PNPLA6: variants seen among roughly 807,000 people sequenced by gnomAD.
PNPLA6 encodes patatin-like phospholipase domain-containing protein 6.
In PNPLA6, 105 loss-of-function variants were observed where a neutral mutation model predicts 153.7. The ratio of observed to expected loss-of-function variants is 0.68; its 90% confidence interval spans 0.58 to 0.80. The LOEUF is 0.80. PNPLA6 is among the 30% of genes least tolerant of loss of function. The pLI, the probability that PNPLA6 is intolerant of heterozygous loss-of-function variation, is 0.00. For missense variants in PNPLA6, 1,423 were observed against 1,919.3 expected (o/e 0.74, Z 4.83); for synonymous variants, 825 against 822.2 (o/e 1.00, Z -0.06).
At chr19:7,534,206 T>A (rs2022735287), upstream of PNPLA6, 1 of 341,030 alleles carries the variant, frequency 2.9e-6, no homozygotes, top group South Asian at 2.6e-5. Context: ...GCTAGCGGTG[T>A]TGGCGCGGAG....
At chr19:7,546,702 C>T (rs762115341) in intron 13 of PNPLA6, among the ~76,000 whole-genome samples, 1 of 152,246 alleles carries the variant, frequency 6.6e-6, no homozygotes. Flanking sequence ...AGCCACTGCA[C>T]CCGGCCTTAT....
chr19:7,539,910 C>T lies in PNPLA6; in HGVS notation c.414-8C>T. On this transcript the variant is annotated splice_polypyrimidine_tract_variant and splice_region_variant and intron_variant, in intron 3 of 31. Coordinates refer to ENST00000600737, the MANE Select transcript of PNPLA6 (RefSeq NM_001166114.2). ...CCCTCACCCCCGGCACCCCTCCCCT[C>T]CCACCAGGATCCTGCGCATCCAGAA... The T allele has an allele frequency of 6.5e-7, 1 of 1,535,618 alleles. No homozygotes were observed. Among genetic ancestry groups the T allele is most frequent in the Non-Finnish European group, 8.8e-7 (1 of 1,141,620 alleles).
chr19:7,556,632 C>T (rs756710551), intron 25 of PNPLA6, 23 bp from the exon 26 acceptor site: 2 of 1,605,174 alleles, frequency 1.2e-6, no homozygotes, highest in Non-Finnish European at 8.5e-7. Context: ...GCTCCTCCCC[C>T]ACCTCGATCC....
Position 7,541,021 on chromosome 19 carries a change from G to A in PNPLA6, c.894G>A (p.Lys298=). The part of the protein sequence containing the change: ...PVEAFSAVFT[K]YPESLVRVVQ... Reference sequence around the variant, plus strand: ...AAGCATTCTCCGCGGTCTTCACCAAGTACCCGGAGAGCTTGGTGCGGGTCG... The same window carrying A: ...AAGCATTCTCCGCGGTCTTCACCAAATACCCGGAGAGCTTGGTGCGGGTCG... Residue 298 remains lysine (K), a synonymous_variant, in exon 7 of 32, where the codon AAG becomes AAA. Transcript: ENST00000600737. The surrounding 1 kb of genome is among the most constrained non-coding windows in gnomAD (Gnocchi z 5.2). 6.2e-7 allele frequency: 1 copy of A among 1,610,886 alleles called. No homozygotes were observed. The highest frequency in any genetic ancestry group is 8.5e-7 in the Non-Finnish European group (1 of 1,179,212).
chr19:7,544,199 C>T (rs1175384627), intron 13 of PNPLA6, among the ~76,000 whole-genome samples: 3 of 151,840 alleles, frequency 2.0e-5, no homozygotes, highest in Non-Finnish European at 4.4e-5. Flanking sequence ...GCAACCTCCG[C>T]CTCCTGGGTT....
At chr19:7,535,508 G>T (rs1340354199), upstream of PNPLA6, 3 of 1,579,078 alleles carry the variant, frequency 1.9e-6, no homozygotes, top group Non-Finnish European at 2.6e-6. This position sits in a 1 kb window ranked among gnomAD's most constrained non-coding sequence, Gnocchi z 5.0. Flanking sequence ...TGATTTCCCA[G>T]GACTCCGGGC....
intron 29 of PNPLA6, 40 bp from the exon 30 acceptor site, chr19:7,560,946 CTGGGCCCCCCAGGGGCCCCAAGACTCTG>C (rs2024072632): frequency 7.4e-6 from 7 of 948,212 alleles, no homozygotes; most frequent in Admixed American, 6.0e-5. Flanking sequence ...CAATGCACCA[CTGGGCCCCCCAGGGGCCCCAAGACTCTG>C]TGGGCCCCCC....
rs377319496 is a variant in PNPLA6 at position 7,561,469 on chromosome 19, G to C, written c.4024-19G>C. The stretch of plus-strand genomic sequence containing the variant: ...CAGTGTCCCGTGCTGGGTGACGTGT[G>C]TGTGACCTTCCCTCGCAGGAGGAGG... On this transcript the variant is annotated intron_variant, in intron 31 of 31. Transcript: ENST00000600737. 1.8e-5 allele frequency: 29 copies of C among 1,597,564 alleles called. No individual in the cohort carries two copies. In the African/African-American group the frequency reaches 3.3e-4, roughly 18 times the overall value.
rs1208680116 is a variant in PNPLA6, at chr19:7,554,910, G to C, written c.2652G>C (p.Glu884Asp). ...TTCCGCAGCTGGAGCAGATGCTGGA[G>C]AACACGGCTGTGCGCGCCCTTAAGC... ...PTLGQLEQML[E>D]NTAVRALKQL... Residue 884 changes from glutamate to aspartate, a missense_variant, in exon 22 of 32, where the codon GAG becomes GAC. Glu to Asp is a conservative substitution (Grantham distance 45, BLOSUM62 2). Transcript: ENST00000600737. 1.3e-6 allele frequency: 2 copies of C among 1,587,274 alleles called. No individual in the cohort carries two copies. The highest frequency in any genetic ancestry group is 1.1e-5 in the South Asian group (1 of 89,418).
At position 7,561,538 on chromosome 19, in the gene PNPLA6, GC is replaced by G. The variant is rs780632337; in HGVS notation, c.4077del (p.Gly1360AlafsTer40). 6.2e-7 allele frequency: 1 copy of G among 1,605,428 alleles called. No individual in the cohort carries two copies. The highest frequency in any genetic ancestry group is 1.8e-4 in the Middle Eastern group (1 of 5,500). ...AACGACGCTGTCTGCCCCAGGAGCC[GC>G]CCGGCTCAGCCACAGATGCCTGAGG... ...RQRRCLPQEP[P>X]GSATDA On this transcript the variant is annotated frameshift_variant, in exon 32 of 32. Transcript: ENST00000600737. LOFTEE classifies it high-confidence loss of function.
In PNPLA6 at chr19:7,540,731, G is replaced by T. The variant is rs889018095; in HGVS notation, c.795+21G>T. 4 of 1,601,840 alleles carry T rather than the reference G, an allele frequency of 2.5e-6. No homozygotes were observed. Among genetic ancestry groups the T allele is most frequent in the Non-Finnish European group, 3.4e-6 (4 of 1,168,836 alleles). On this transcript the variant is annotated intron_variant, in intron 6 of 31. Coordinates refer to ENST00000600737, the MANE Select transcript of PNPLA6 (RefSeq NM_001166114.2). The surrounding 1 kb of genome is among the most constrained non-coding windows in gnomAD (Gnocchi z 6.8). ...TCACCGTGAGTGACCAGTTTCTGAG[G>T]CAGGGGGGCTGGGGTGCAAGGTCCC...
intron 19 of PNPLA6, 25 bp downstream of exon 19, chr19:7,554,040 G>C: frequency 1.2e-6 from 2 of 1,611,068 alleles, no homozygotes; most frequent in South Asian, 1.1e-5. Context: ...GGTCATGGGT[G>C]GGGGCTGGCG....
chr19:7,539,820 G>T, intron 3 of PNPLA6, 98 bp from the exon 4 acceptor site: 23 of 695,296 alleles, frequency 3.3e-5, no homozygotes, highest in East Asian at 1.2e-4. Flanking sequence ...AGAGTTTGCT[G>T]TACATGAGCC....
At position 7,561,003 on chromosome 19, in the gene PNPLA6, T is replaced by C. The variant is rs1242439723; in HGVS notation, c.3817-11T>C. 1 of 1,591,840 alleles carries C rather than the reference T, an allele frequency of 6.3e-7. No individual in the cohort carries two copies. The highest frequency in any genetic ancestry group is 8.6e-7 in the Non-Finnish European group (1 of 1,164,204). ...GCCCCCCCTAAGAGCCTCACCAGTG[T>C]CACCCCACAGGTGCTTGCCTTCCCA... On this transcript the variant is annotated splice_polypyrimidine_tract_variant and intron_variant, in intron 29 of 31. Transcript: ENST00000600737.
chr19:7,551,608 G>C lies in PNPLA6; in HGVS notation c.2260+171G>C, dbSNP rs1393743356. Among the ~76,000 whole-genome samples the C allele has an allele frequency of 2.0e-5, 3 of 152,174 alleles. No individual in the cohort carries two copies. The East Asian group carries it at 5.8e-4, about 29-fold the overall frequency. On this transcript the variant is annotated intron_variant, in intron 18 of 31. Transcript: ENST00000600737. ...GGACCCAGGTGCAGAGCATTCTGGG[G>C]AATGGAGTTCGTGTTCCTGAGCATG...
At chr19:7,556,618 C>T in intron 25 of PNPLA6, 37 bp from the exon 26 acceptor site, 1 of 1,570,180 alleles carries the variant, frequency 6.4e-7, no homozygotes, top group South Asian at 1.1e-5. Flanking sequence ...CGGAGGAGCC[C>T]CCTGCTCCTC....
Position 7,561,515 on chromosome 19 carries a change from C to G in PNPLA6, c.4051C>G (p.Arg1351Gly). 1.2e-6 allele frequency: 2 copies of G among 1,609,106 alleles called. No homozygotes were observed. The highest frequency in any genetic ancestry group is 1.7e-6 in the Non-Finnish European group (2 of 1,178,466). ...MEEEKSILRQ[R>G]RCLPQEPPGS... Reference sequence around the variant, plus strand: ...GGAGGAGAAGTCGATTCTCCGGCAACGACGCTGTCTGCCCCAGGAGCCGCC... The same window carrying G: ...GGAGGAGAAGTCGATTCTCCGGCAAGGACGCTGTCTGCCCCAGGAGCCGCC... The change falls in exon 32 of 32, where the codon CGA (arginine) becomes GGA (glycine). Residue 1351 changes from arginine to glycine, a missense_variant. By Grantham distance (125) the Arg-to-Gly change is moderately radical. Around this residue, in one of 10 missense-constraint regions of PNPLA6, gnomAD observed 643 missense variants for 835.2 expected, o/e 0.77. Transcript: ENST00000600737.
At position 7,555,289 on chromosome 19, in the gene PNPLA6, G is replaced by C; in HGVS notation, c.2858G>C (p.Arg953Pro). 1 of 1,594,282 alleles carries C rather than the reference G, an allele frequency of 6.3e-7. No individual in the cohort carries two copies. Among genetic ancestry groups the C allele is most frequent in the Non-Finnish European group, 8.5e-7 (1 of 1,170,460 alleles). The change falls in exon 23 of 32, where the codon CGG (arginine) becomes CCG (proline). Residue 953 changes from arginine to proline, a missense_variant. By Grantham distance (103) the Arg-to-Pro change is moderately radical. This residue lies in a region of PNPLA6 where 643 missense variants were observed against 835.2 expected (regional missense o/e 0.77). Coordinates refer to ENST00000600737, the MANE Select transcript of PNPLA6 (RefSeq NM_001166114.2). The surrounding 1 kb of genome is among the most constrained non-coding windows in gnomAD (Gnocchi z 6.3). ...YEKVFSRRADRHSDFSRLARV... is the reference protein window; with the variant it reads ...YEKVFSRRADPHSDFSRLARV... Reference sequence around the variant, plus strand: ...AAGGTTTTCTCCAGGCGCGCGGACCGGCACAGCGACTTCTCCCGCTTGGCG... The same window carrying C: ...AAGGTTTTCTCCAGGCGCGCGGACCCGCACAGCGACTTCTCCCGCTTGGCG...
chr19:7,545,715 C>T (rs1368510701), intron 13 of PNPLA6, among the ~76,000 whole-genome samples: 1 of 151,948 alleles, frequency 6.6e-6, no homozygotes, highest in Non-Finnish European at 1.5e-5. Context: ...AGTTCGAGAC[C>T]ATCCTGGCCA....
Sources: gnomAD v4.1 joint callset for allele counts (sites outside exome capture counted in the v4.1 genomes callset) on GRCh38, gnomAD v4.1.1 for gene constraint, gnomAD v4.1.1 regional missense constraint, Gnocchi (gnomAD v3.1) non-coding constraint, MANE v1.5 for transcripts, NCBI Gene and HGNC (gene_info 2026-07-23, HGNC 2026-07-21) for gene names.